Variants in FBXO32 observed in about 807,000 individuals in gnomAD.
FBXO32 encodes the protein F-box only protein 32.
In FBXO32, 15 loss-of-function variants were observed where a neutral mutation model predicts 48.3. The ratio of observed to expected loss-of-function variants is 0.31; its 90% CI spans 0.21 to 0.48. The LOEUF is 0.48. Among genes scored for constraint, FBXO32 ranks in the 20% least tolerant of loss-of-function variants. The pLI is 0.99. For synonymous variants in FBXO32, 154 were observed against 165.9 expected, an observed-to-expected ratio of 0.93 and a Z score of 0.55; for missense variants, 309 against 432.7, an observed-to-expected ratio of 0.71 and a Z score of 2.54.
intron 4 of FBXO32, among the ~76,000 whole-genome samples, chr8:123,528,555 T>C (rs145541683): frequency 6.6e-6 from 1 of 152,318 alleles, no homozygotes; most frequent in African/African-American, 2.4e-5. Flanking sequence ...ATTGGGGCTG[T>C]GTAGGGGAGG....
chr8:123,537,767 A>G (rs1817336871), intron 1 of FBXO32, among the ~76,000 whole-genome samples: 1 of 152,180 alleles, frequency 6.6e-6, no homozygotes, highest in South Asian at 2.1e-4. Flanking sequence ...AATCTTAACT[A>G]TTATTTTTAT....
chr8:123,535,753 C>A (rs534189569), intron 1 of FBXO32, among the ~76,000 whole-genome samples: 12 of 151,808 alleles, frequency 7.9e-5, no homozygotes, highest in African/African-American at 2.9e-4. Context: ...AAGATAGGTT[C>A]CCTAACTCCC....
chr8:123,539,576 C>T (rs1252166361), intron 1 of FBXO32, among the ~76,000 whole-genome samples: 1 of 152,222 alleles, frequency 6.6e-6, no homozygotes, highest in Admixed American at 6.5e-5. Context: ...ACGCTCAAGT[C>T]TCTCCGGACA....
intron 7 of FBXO32, among the ~76,000 whole-genome samples, chr8:123,505,471 C>A (rs184779650): frequency 1.4e-4 from 21 of 152,358 alleles, no homozygotes; most frequent in African/African-American, 5.1e-4. Context: ...TGCGGTGGCT[C>A]ACGCCTGTAA....
rs1394216688 is a variant in FBXO32 at position 123,498,548 on chromosome 8, T to C, written c.*4825A>G. 1.3e-5 allele frequency: 2 copies of C among 152,144 alleles called. No homozygotes were observed. The allele number at this position is 152,144 out of a possible 1,614,324, so 9.4% of individuals were successfully genotyped here. ...GCCTCATGGAATAATCCCCCTTTGC[T>C]TAGTAAAAGATGAAGTTTAGTGGAG... On this transcript the variant is annotated 3_prime_UTR_variant, in exon 9 of 9. Transcript: ENST00000517956.
chr8:123,538,836 G>C (rs1817359276), intron 1 of FBXO32, among the ~76,000 whole-genome samples: 1 of 151,986 alleles, frequency 6.6e-6, no homozygotes. Flanking sequence ...ACACGGGAGG[G>C]GGGCTGTGCA....
intron 6 of FBXO32, among the ~76,000 whole-genome samples, chr8:123,509,621 G>T (rs1315705344): frequency 1.3e-5 from 2 of 152,126 alleles, no homozygotes; most frequent in African/African-American, 4.8e-5. Flanking sequence ...AATCATGTGA[G>T]CCCAGGAGGC....
At position 123,501,339 on chromosome 8, in the gene FBXO32, A is replaced by G. The variant is rs1816478905; in HGVS notation, c.*2034T>C. The stretch of plus-strand genomic sequence containing the variant: ...CTAGGTCCTGCATTCCCAATGTGAA[A>G]TTGGTTCAGGGGGAGAGGGATTGCA... On this transcript the variant is annotated 3_prime_UTR_variant, in exon 9 of 9. Transcript: ENST00000517956. 6.8e-6 allele frequency: 1 copy of G among 146,436 alleles called. No homozygotes were observed. Among genetic ancestry groups the G allele is most frequent in the South Asian group, 2.3e-4 (1 of 4,402 alleles). 9.1% of individuals were successfully genotyped at this position (146,436 alleles called of 1,614,324 possible).
intron 4 of FBXO32, among the ~76,000 whole-genome samples, chr8:123,531,121 A>C (rs1334574533): frequency 2.0e-5 from 3 of 151,682 alleles, no homozygotes; most frequent in Non-Finnish European, 2.9e-5. Flanking sequence ...CTGGGATTAC[A>C]GGCACCCGCC....
Position 123,513,229 on chromosome 8 carries a change from T to C in FBXO32, c.620A>G (p.Gln207Arg), listed in dbSNP as rs778776607. Residue 207 changes from glutamine to arginine, a missense_variant, in exon 6 of 9, where the codon CAG (glutamine) becomes CGG (arginine). Coordinates refer to ENST00000517956, the MANE Select transcript of FBXO32 (RefSeq NM_058229.4). The surrounding 1 kb of genome is among the most constrained non-coding windows in gnomAD (Gnocchi z 4.3). ...GATCTGAATGTTGTTCAGCTGCTGC[T>C]GCCAGTGGAGAATCGTCTCCATCCG... ...VYRMETILHWQQQLNNIQITR... is the reference protein window; with the variant it reads ...VYRMETILHWRQQLNNIQITR... 3.1e-6 allele frequency: 5 copies of C among 1,614,138 alleles called. No individual in the cohort carries two copies. In the South Asian group the frequency reaches 3.3e-5, roughly 11 times the overall value.
In FBXO32 at chr8:123,536,832, T is replaced by C. The variant is rs111417209; in HGVS notation, c.117-2018A>G. ...TAGATTTCATCTTACTCTTTTCCAA[T>C]TGAAAACGTTCTTTAAAGGAATTGG... is the stretch of plus-strand genomic sequence containing the variant. On this transcript the variant is annotated intron_variant, in intron 1 of 8. Coordinates refer to ENST00000517956, the MANE Select transcript of FBXO32 (RefSeq NM_058229.4). Among the ~76,000 whole-genome samples the C allele has an allele frequency of 3.1e-4, 47 of 152,232 alleles. 1 individual carries two copies. Among genetic ancestry groups the C allele is most frequent in the African/African-American group, 9.6e-5 (4 of 41,468 alleles).
intron 1 of FBXO32, among the ~76,000 whole-genome samples, chr8:123,539,974 C>T (rs1192623141): frequency 6.6e-6 from 1 of 152,210 alleles, no homozygotes; most frequent in African/African-American, 2.4e-5. Context: ...AGGTCAGGGG[C>T]TGAGAAATTC....
At chr8:123,507,268 T>C (rs986818805) in intron 6 of FBXO32, among the ~76,000 whole-genome samples, 4 of 152,218 alleles carry the variant, frequency 2.6e-5, no homozygotes, top group African/African-American at 9.6e-5. Flanking sequence ...ACATTCTTGC[T>C]GGAACTTAAG....
In FBXO32 at chr8:123,533,250, C is replaced by T. The variant is rs374846483; in HGVS notation, c.230-10G>A. 10 of 1,604,514 alleles carry T rather than the reference C, an allele frequency of 6.2e-6. No individual in the cohort carries two copies. The African/African-American group carries it at 1.2e-4, about 19-fold the overall frequency. On this transcript the variant is annotated splice_polypyrimidine_tract_variant and intron_variant, in intron 2 of 8. Coordinates refer to ENST00000517956, the MANE Select transcript of FBXO32 (RefSeq NM_058229.4). ...TTTTCTTGGTGGAAATCTACAGAGACAAAAAGAATACACAGCTTTAACATC... is the reference window on the plus strand; with the variant it reads ...TTTTCTTGGTGGAAATCTACAGAGATAAAAAGAATACACAGCTTTAACATC...
At chr8:123,520,535 C>T (rs79631739) in intron 4 of FBXO32, among the ~76,000 whole-genome samples, 4,581 of 152,072 alleles carry the variant, frequency 0.03, 101 homozygotes, top group Non-Finnish European at 0.047. Flanking sequence ...CTGGAGGCAA[C>T]GAATAGGAGA....
intron 4 of FBXO32, among the ~76,000 whole-genome samples, chr8:123,521,284 A>C (rs962845409): frequency 6.6e-6 from 1 of 152,184 alleles, no homozygotes; most frequent in Non-Finnish European, 1.5e-5. Context: ...GTCTTTTTGA[A>C]TCAAAGAGTG....
intron 4 of FBXO32, among the ~76,000 whole-genome samples, chr8:123,517,477 C>CT (rs34410652): frequency 0.29 from 42,294 of 146,428 alleles, 7,441 homozygotes; most frequent in South Asian, 0.49. Flanking sequence ...TCCCCCCTAC[C>CT]TTTTTTTTTT....
intron 4 of FBXO32, among the ~76,000 whole-genome samples, chr8:123,530,382 G>A (rs551906041): frequency 6.6e-6 from 1 of 151,636 alleles, no homozygotes; most frequent in South Asian, 2.1e-4. Context: ...AACAACCCAG[G>A]AAAAAGAAAA....
At chr8:123,504,032 G>A (rs1185767019) in intron 8 of FBXO32, among the ~76,000 whole-genome samples, 9 of 150,008 alleles carry the variant, frequency 6.0e-5, no homozygotes, top group East Asian at 2.0e-4. Context: ...ATGAGCCGAG[G>A]TCCCACCACT....
Sources: gnomAD v4.1 joint callset for allele counts (sites outside exome capture counted in the v4.1 genomes callset) on GRCh38, gnomAD v4.1.1 for gene constraint, Gnocchi (gnomAD v3.1) non-coding constraint, MANE v1.5 for transcripts, NCBI Gene and HGNC (gene_info 2026-07-23, HGNC 2026-07-21) for gene names.